Variants in SYCP1 observed in about 807,000 individuals in gnomAD.
SYCP1 encodes cancer/testis antigen 8.
A neutral mutation model predicts 153.1 loss-of-function variants in SYCP1; 64 were observed. The ratio of observed to expected loss-of-function variants is 0.42; its 90% CI spans 0.34 to 0.51. SYCP1 has a LOEUF of 0.51. Among genes scored for constraint, SYCP1 ranks in the 20% least tolerant of loss-of-function variants. SYCP1 has a pLI of 0.06. For synonymous variants in SYCP1, 384 were observed against 341.8 expected (o/e 1.12, Z -1.36); for missense variants, 997 against 1,049.0 (o/e 0.95, Z 0.68).
chr1:114,878,705 G>C (rs916560500), intron 12 of SYCP1, among the ~76,000 whole-genome samples: 1 of 152,122 alleles, frequency 6.6e-6, no homozygotes, highest in Non-Finnish European at 1.5e-5. Context: ...CACCACGCCT[G>C]GCTAATTTTT....
rs201076888 is a variant in SYCP1, at chr1:114,868,563, T to G, written c.599-5943T>G. ...ATAATGTCTTTGTCTGGTTTTGGTATTAGGGTACTGCTAGAAAATATTCCC... is the reference window on the plus strand; with the variant it reads ...ATAATGTCTTTGTCTGGTTTTGGTAGTAGGGTACTGCTAGAAAATATTCCC... On this transcript the variant is annotated intron_variant, in intron 8 of 31. Transcript: ENST00000369522. Among the ~76,000 whole-genome samples, 12 of 152,356 alleles carry G rather than the reference T, an allele frequency of 7.9e-5. No individual in the cohort carries two copies. The East Asian group carries it at 2.3e-3, about 29-fold the overall frequency.
chr1:114,889,056 T>A (rs1407615287), intron 15 of SYCP1, among the ~76,000 whole-genome samples: 2 of 152,204 alleles, frequency 1.3e-5, no homozygotes, highest in African/African-American at 4.8e-5. Context: ...TATGGCTGCG[T>A]AGTATTCCAT....
At chr1:114,863,654 T>C (rs957214771) in intron 8 of SYCP1, among the ~76,000 whole-genome samples, 1 of 152,224 alleles carries the variant, frequency 6.6e-6, no homozygotes, top group African/African-American at 2.4e-5. Flanking sequence ...TATCTCATTG[T>C]GGTCTGGATT....
At position 114,992,098 on chromosome 1, in the gene SYCP1, G is replaced by A. The variant is rs372287098; in HGVS notation, c.2704-2600G>A. 3.6e-4 allele frequency among the ~76,000 whole-genome samples: 55 copies of A among 151,716 alleles called. 2 individuals are homozygous for A. In the South Asian group the frequency reaches 0.011, roughly 30 times the overall value. On this transcript the variant is annotated intron_variant, in intron 30 of 31. Coordinates refer to ENST00000369522, the MANE Select transcript of SYCP1 (RefSeq NM_003176.4). ...ATACTTAGGAACAAATCTAACCAAG[G>A]AAGTAAAATACTTGTACACTGAAAA... is the stretch of plus-strand genomic sequence containing the variant.
At chr1:114,927,563 T>G (rs929672016) in intron 23 of SYCP1, among the ~76,000 whole-genome samples, 1 of 152,122 alleles carries the variant, frequency 6.6e-6, no homozygotes, top group East Asian at 1.9e-4. Context: ...ATGGAAGTTT[T>G]AGAACTGAAA....
intron 26 of SYCP1, among the ~76,000 whole-genome samples, chr1:114,946,668 C>T (rs1306490802): frequency 1.3e-5 from 2 of 151,790 alleles, no homozygotes; most frequent in Non-Finnish European, 2.9e-5. Context: ...TGGGAGAGAA[C>T]GAGGAGAGAT....
At chr1:114,956,301 T>C (rs532861895) in intron 27 of SYCP1, among the ~76,000 whole-genome samples, 5 of 152,248 alleles carry the variant, frequency 3.3e-5, no homozygotes, top group African/African-American at 1.2e-4. Context: ...CAGGGAACTA[T>C]CCTGTCTGTG....
intron 23 of SYCP1, among the ~76,000 whole-genome samples, chr1:114,935,692 A>G (rs1179014006): frequency 1.3e-5 from 2 of 152,236 alleles, no homozygotes; most frequent in East Asian, 3.8e-4. Flanking sequence ...AAAGAATCAA[A>G]TAGATGCAAT....
chr1:114,934,306 A>G (rs1669837811), intron 23 of SYCP1, among the ~76,000 whole-genome samples: 1 of 152,204 alleles, frequency 6.6e-6, no homozygotes, highest in South Asian at 2.1e-4. Flanking sequence ...ATCCAGCCAA[A>G]CTAAACTTCA....
At chr1:114,975,121 T>C (rs72695842) in intron 27 of SYCP1, among the ~76,000 whole-genome samples, 6,594 of 151,908 alleles carry the variant, frequency 0.043, 184 homozygotes, top group African/African-American at 0.076. Flanking sequence ...ACATTGTATA[T>C]CTTCTTTGGT....
At chr1:114,913,301 A>G (rs1280686405) in intron 19 of SYCP1, 151 bp downstream of exon 19, 2 of 596,852 alleles carry the variant, frequency 3.4e-6, no homozygotes, top group African/African-American at 3.9e-5. Context: ...TTGGTCTTAT[A>G]GGGTGGTAAT....
chr1:114,975,569 C>T (rs1203335433), intron 27 of SYCP1, among the ~76,000 whole-genome samples: 1 of 151,466 alleles, frequency 6.6e-6, no homozygotes, highest in African/African-American at 2.4e-5. Context: ...TTAACTTGAG[C>T]TTTATATTTA....
Position 114,925,740 on chromosome 1 carries a change from T to C in SYCP1, c.1801-538T>C, listed in dbSNP as rs747921598. On this transcript the variant is annotated intron_variant, in intron 21 of 31. Transcript: ENST00000369522. Reference sequence around the variant, plus strand: ...ATTTAGGGGATTATAAACATTTATGTACAAGACAATTTAAAAAATTCGAGA... The same window carrying C: ...ATTTAGGGGATTATAAACATTTATGCACAAGACAATTTAAAAAATTCGAGA... Among the ~76,000 whole-genome samples the C allele has an allele frequency of 5.3e-5, 8 of 152,154 alleles. 1 individual carries two copies. Among genetic ancestry groups the C allele is most frequent in the African/African-American group, 2.4e-5 (1 of 41,432 alleles).
intron 27 of SYCP1, among the ~76,000 whole-genome samples, chr1:114,948,464 T>C (rs1670891938): frequency 6.6e-6 from 1 of 152,206 alleles, no homozygotes. Flanking sequence ...ACAGCTTAGG[T>C]AACATACACT....
intron 23 of SYCP1, among the ~76,000 whole-genome samples, chr1:114,940,178 A>C (rs1219814153): frequency 6.6e-6 from 1 of 151,754 alleles, no homozygotes; most frequent in Non-Finnish European, 1.5e-5. Context: ...GCTCACTGCA[A>C]CCTCTACCTC....
chr1:114,950,951 A>G (rs1010186381), intron 27 of SYCP1, among the ~76,000 whole-genome samples: 49 of 151,492 alleles, frequency 3.2e-4, no homozygotes, highest in Non-Finnish European at 1.2e-4. Flanking sequence ...CAGCCTCCCT[A>G]GTAGCTGGGA....
chr1:114,867,234 T>A (rs1362592165), intron 8 of SYCP1, among the ~76,000 whole-genome samples: 1 of 152,148 alleles, frequency 6.6e-6, no homozygotes, highest in South Asian at 2.1e-4. Flanking sequence ...TTCGCTCTTC[T>A]GAGTCTTTTG....
At chr1:114,894,842 T>C (rs1005682244) in intron 15 of SYCP1, among the ~76,000 whole-genome samples, 2 of 152,108 alleles carry the variant, frequency 1.3e-5, no homozygotes, top group African/African-American at 4.8e-5. Context: ...CAAAATGAAA[T>C]GTGTAGGTAA....
At chr1:114,866,811 T>G (rs1427104239) in intron 8 of SYCP1, among the ~76,000 whole-genome samples, 1 of 151,850 alleles carries the variant, frequency 6.6e-6, no homozygotes, top group Non-Finnish European at 1.5e-5. Flanking sequence ...CTCCTATTTA[T>G]CTTGGAGTTT....
Sources: gnomAD v4.1 joint callset for allele counts (sites outside exome capture counted in the v4.1 genomes callset) on GRCh38, gnomAD v4.1.1 for gene constraint, MANE v1.5 for transcripts, NCBI Gene and HGNC (gene_info 2026-07-23, HGNC 2026-07-21) for gene names.